TSPOAP1: variants seen among roughly 807,000 people sequenced by gnomAD.
TSPOAP1 encodes peripheral-type benzodiazepine receptor-associated protein 1.
Under a neutral mutation model 197.0 loss-of-function variants are expected in TSPOAP1, and 87 were observed. That is an observed-to-expected ratio of 0.44 (90% CI 0.37 to 0.53). The LOEUF (loss-of-function observed/expected upper bound fraction) is 0.53, where lower values mean the gene tolerates loss of function less well. TSPOAP1 is among the 20% of genes least tolerant of loss of function. The pLI, the probability that TSPOAP1 is intolerant of heterozygous loss-of-function variation, is 0.00. For missense variants in TSPOAP1, 2,174 were observed against 2,411.3 expected (o/e 0.90, Z 2.06); for synonymous variants, 913 against 998.9 (o/e 0.91, Z 1.62).
In TSPOAP1 at chr17:58,316,087, A is replaced by C; in HGVS notation, c.2034T>G (p.Leu678=). ...EGPNENPEAE[L]PLTAGEYIYI... The stretch of plus-strand genomic sequence containing the variant: ...AGATGTACTCGCCAGCTGTCAGCGG[A>C]AGCTCTGCTTCTGGATTCTCATTGG... Residue 678 remains leucine (L), a synonymous_variant, in exon 16 of 32, where the codon CTT becomes CTG. Transcript: ENST00000343736. The C allele has an allele frequency of 6.2e-7, 1 of 1,614,138 alleles. No individual in the cohort carries two copies. The highest frequency in any genetic ancestry group is 8.5e-7 in the Non-Finnish European group (1 of 1,180,030).
In TSPOAP1 at chr17:58,302,455, G is replaced by A. The variant is rs1970745624; in HGVS notation, c.*33-8C>T. ...TGTGGTGCAGCCCCAGTCCTGAAAT[G>A]TGAGACAGAAGGAGCAAGGTCAGGG... On this transcript the variant is annotated splice_region_variant and splice_polypyrimidine_tract_variant and intron_variant, in intron 31 of 31. Transcript: ENST00000343736. 4.1e-6 allele frequency: 5 copies of A among 1,221,100 alleles called. No homozygotes were observed. Among genetic ancestry groups the A allele is most frequent in the Non-Finnish European group, 4.2e-6 (4 of 959,396 alleles). The allele number at this position is 1,221,100 out of a possible 1,614,324, so 75.6% of individuals were successfully genotyped here.
In TSPOAP1 at chr17:58,309,233, TCTC is replaced by T. The variant is rs1304622182; in HGVS notation, c.4036_4038del (p.Glu1346del). The T allele has an allele frequency of 3.5e-5, 55 of 1,593,918 alleles. No individual in the cohort carries two copies. Among genetic ancestry groups the T allele is most frequent in the Non-Finnish European group, 4.1e-5 (48 of 1,162,702 alleles). On this transcript the variant is annotated inframe_deletion, in exon 22 of 32. Transcript: ENST00000343736. This position sits in a 1 kb window ranked among gnomAD's most constrained non-coding sequence, Gnocchi z 5.0. The stretch of plus-strand genomic sequence containing the variant: ...CGGGAAGAACAGCCTGCCCCTGACT[TCTC>T]CTCCTCCTCGTCCTCCTCTTCCTCT...
intron 26 of TSPOAP1, 139 bp downstream of exon 26, chr17:58,306,203 C>A: frequency 2.2e-6 from 2 of 907,182 alleles, no homozygotes; most frequent in Non-Finnish European, 1.8e-6. Context: ...CCCAGAGGTG[C>A]CTCCCCAGAC....
intron 18 of TSPOAP1, 117 bp downstream of exon 18, chr17:58,311,454 A>G (rs1971075435): frequency 1.4e-6 from 2 of 1,427,538 alleles, no homozygotes; most frequent in African/African-American, 1.4e-5. Context: ...CATCTGCCTC[A>G]TGGTACCCAA....
rs747526202 is a variant in TSPOAP1 at position 58,311,928 on chromosome 17, G to A, written c.2893C>T (p.Arg965Trp). ...WEPGWERLEQRAATLQFTTLP... is the reference protein window; with the variant it reads ...WEPGWERLEQWAATLQFTTLP... ...GTGGTGAACTGCAGGGTGGCAGCCCGCTGCTCCAGCCTCTCCCAGCCTGGT... is the reference window on the plus strand; with the variant it reads ...GTGGTGAACTGCAGGGTGGCAGCCCACTGCTCCAGCCTCTCCCAGCCTGGT... Residue 965 changes from arginine to tryptophan, a missense_variant, in exon 17 of 32, where the codon CGG becomes TGG. Arg to Trp is a moderately radical substitution (Grantham distance 101, BLOSUM62 -3). Transcript: ENST00000343736. 2 of 1,571,266 alleles carry A rather than the reference G, an allele frequency of 1.3e-6. No homozygotes were observed. The highest frequency in any genetic ancestry group is 1.7e-6 in the Non-Finnish European group (2 of 1,158,290).
intron 12 of TSPOAP1, among the ~76,000 whole-genome samples, chr17:58,319,589 C>A (rs925482108): frequency 2.6e-5 from 4 of 152,236 alleles, no homozygotes; most frequent in African/African-American, 9.6e-5. Context: ...CTGCCTCTGG[C>A]TGCTTTCTAG....
rs780218902 is a variant in TSPOAP1, at chr17:58,316,390, G to C, written c.1988+35C>G. 3 of 1,566,278 alleles carry C rather than the reference G, an allele frequency of 1.9e-6. No homozygotes were observed. The Admixed American group carries it at 5.3e-5, about 28-fold the overall frequency. On this transcript the variant is annotated intron_variant, in intron 15 of 31. Coordinates refer to ENST00000343736, the MANE Select transcript of TSPOAP1 (RefSeq NM_004758.4). ...CCCCTCCTATACCCCAAATGCTGGG[G>C]CTGGGCTAGGGGGCAGTGAGGGTGA...
chr17:58,312,482 G>C lies in TSPOAP1; in HGVS notation c.2339C>G (p.Pro780Arg). The C allele has an allele frequency of 6.2e-7, 1 of 1,608,066 alleles. No homozygotes were observed. Among genetic ancestry groups the C allele is most frequent in the Non-Finnish European group, 8.5e-7 (1 of 1,177,254 alleles). ...EDAGDELSLS[P>R]SPEGLGEPPA... ...AGGCTCGCCCAGGCCCTCCGGTGAT[G>C]GGCTCAGACTGAGCTCGTCCCCTGC... The change falls in exon 17 of 32, where the codon CCA becomes CGA. Residue 780 changes from proline to arginine, a missense_variant. Coordinates refer to ENST00000343736, the MANE Select transcript of TSPOAP1 (RefSeq NM_004758.4).
At chr17:58,323,664 T>C (rs1971469959) in intron 5 of TSPOAP1, 119 bp from the exon 6 acceptor site, 10 of 1,059,150 alleles carry the variant, frequency 9.4e-6, no homozygotes. Context: ...AAGAGATCCC[T>C]GCCTAGCAAG....
Position 58,326,547 on chromosome 17 carries a change from T to G in TSPOAP1, c.442-126A>C. The G allele has an allele frequency of 6.5e-7, 1 of 1,540,518 alleles. No individual in the cohort carries two copies. The highest frequency in any genetic ancestry group is 8.8e-7 in the Non-Finnish European group (1 of 1,133,236). ...GTCCTTGGCAACTCTAGGCAGGGGT[T>G]CACCCTCTCTGGGTCTCAGGATTTT... On this transcript the variant is annotated intron_variant, in intron 2 of 31. Coordinates refer to ENST00000343736, the MANE Select transcript of TSPOAP1 (RefSeq NM_004758.4). The surrounding 1 kb of genome is among the most constrained non-coding windows in gnomAD (Gnocchi z 4.7).
At position 58,312,564 on chromosome 17, in the gene TSPOAP1, T is replaced by C. The variant is rs199508368; in HGVS notation, c.2257A>G (p.Ser753Gly). Residue 753 changes from serine to glycine, a missense_variant, in exon 17 of 32, where the codon AGT becomes GGT. By Grantham distance (56) the Ser-to-Gly change is moderately conservative. Coordinates refer to ENST00000343736, the MANE Select transcript of TSPOAP1 (RefSeq NM_004758.4). ...SFLSVGGGGS[S>G]SGGQSSVGRS... ...CCCACACTGCTTTGGCCCCCGCTAC[T>C]GCTGCCACCCCCACCTACACTCAGG... 16 of 1,611,034 alleles carry C rather than the reference T, an allele frequency of 9.9e-6. No homozygotes were observed. In the East Asian group the frequency reaches 2.9e-4, roughly 29 times the overall value.
At chr17:58,305,666 C>T (rs771712638) in intron 27 of TSPOAP1, 23 bp from the exon 28 acceptor site, 36 of 1,379,218 alleles carry the variant, frequency 2.6e-5, no homozygotes, top group Non-Finnish European at 3.4e-5. Flanking sequence ...TAGGAGAAGA[C>T]TCTGGACTCT....
rs752905469 is a variant in TSPOAP1 at position 58,320,514 on chromosome 17, A to G, written c.1473+17T>C. The G allele has an allele frequency of 1.9e-5, 28 of 1,512,430 alleles. No individual in the cohort carries two copies. The East Asian group carries it at 5.1e-4, about 27-fold the overall frequency. The allele number at this position is 1,512,430 out of a possible 1,614,324, so 93.7% of individuals were successfully genotyped here. A position where few individuals can be genotyped will look rare whatever the true frequency, so the allele number is the denominator to read the frequency against. ...TCCCAAGATGGTGGAACTGGGGGCC[A>G]CTTCCAGGCGCCCTACCTCCAGCAG... On this transcript the variant is annotated intron_variant, in intron 11 of 31. Coordinates refer to ENST00000343736, the MANE Select transcript of TSPOAP1 (RefSeq NM_004758.4).
chr17:58,310,893 G>A lies in TSPOAP1; in HGVS notation c.3402C>T (p.Ser1134=). ...TQEPPGAPPA[S]PSREMAKGSH... ...ACCCTTTTGCCATCTCTCTGGAAGG[G>A]CTTGCAGGGGGTGCTCCTGGAGGCT... Residue 1134 remains serine, a synonymous_variant, in exon 19 of 32, where the codon AGC becomes AGT. Transcript: ENST00000343736. The A allele has an allele frequency of 6.5e-7, 1 of 1,544,410 alleles. No individual in the cohort carries two copies. Among genetic ancestry groups the A allele is most frequent in the African/African-American group, 1.4e-5 (1 of 72,384 alleles).
intron 22 of TSPOAP1, 127 bp from the exon 23 acceptor site, chr17:58,308,068 A>G (rs966537667): frequency 2.0e-6 from 2 of 1,009,226 alleles, no homozygotes; most frequent in Admixed American, 2.6e-5. Flanking sequence ...CCTCTCCCGG[A>G]GCCTCGGCCC....
chr17:58,312,871 A>C, intron 16 of TSPOAP1, 149 bp from the exon 17 acceptor site: 1 of 667,356 alleles, frequency 1.5e-6, no homozygotes, highest in East Asian at 2.8e-5. Flanking sequence ...ATTCTTTTAA[A>C]AGACAAGAGC....
In TSPOAP1 at chr17:58,324,623, C is replaced by A. The variant is rs1288669844; in HGVS notation, c.942+188G>T. On this transcript the variant is annotated intron_variant, in intron 5 of 31. Transcript: ENST00000343736. The surrounding 1 kb of genome is among the most constrained non-coding windows in gnomAD (Gnocchi z 5.8). ...CTGGAGCCCCCAGGGGAGGGCACGGCGCAGGTACGAGCACGGGAGGCTTGG... is the reference window on the plus strand; with the variant it reads ...CTGGAGCCCCCAGGGGAGGGCACGGAGCAGGTACGAGCACGGGAGGCTTGG... Among the ~76,000 whole-genome samples, 1 of 152,028 alleles carries A rather than the reference C, an allele frequency of 6.6e-6. No homozygotes were observed. The highest frequency in any genetic ancestry group is 2.4e-5 in the African/African-American group (1 of 41,420).
rs538763128 is a variant in TSPOAP1 at position 58,301,964 on chromosome 17, G to C, written c.*516C>G. The stretch of plus-strand genomic sequence containing the variant: ...AGCACTGTGGGACACTAGTAGACGA[G>C]GTGGGTGGACCAGGACGCGAGGGTC... On this transcript the variant is annotated 3_prime_UTR_variant, in exon 32 of 32. Coordinates refer to ENST00000343736, the MANE Select transcript of TSPOAP1 (RefSeq NM_004758.4). The C allele has an allele frequency of 1.4e-4, 35 of 241,572 alleles. No individual in the cohort carries two copies. The highest frequency in any genetic ancestry group is 2.7e-4 in the Non-Finnish European group (32 of 120,734). The allele number at this position is 241,572 out of a possible 1,614,324, so 15.0% of individuals were successfully genotyped here. A position where few individuals can be genotyped will look rare whatever the true frequency, so the allele number is the denominator to read the frequency against.
In TSPOAP1 at chr17:58,304,979, T is replaced by A; in HGVS notation, c.5544+82A>T. 2 of 1,072,846 alleles carry A rather than the reference T, an allele frequency of 1.9e-6. No individual in the cohort carries two copies. Among genetic ancestry groups the A allele is most frequent in the Non-Finnish European group, 2.9e-6 (2 of 687,516 alleles). 66.5% of individuals were successfully genotyped at this position (1,072,846 alleles called of 1,614,324 possible). On this transcript the variant is annotated intron_variant, in intron 30 of 31. Transcript: ENST00000343736. The surrounding 1 kb of genome is among the most constrained non-coding windows in gnomAD (Gnocchi z 4.2). The stretch of plus-strand genomic sequence containing the variant: ...TGCATGACCACCCCAGCTGCACCCC[T>A]GCCGCAACACTGCCCTGGCCCTACC...
Sources: allele counts gnomAD v4.1 joint callset (sites outside exome capture counted in the v4.1 genomes callset), GRCh38; gene constraint gnomAD v4.1.1; non-coding constraint Gnocchi (gnomAD v3.1); transcripts MANE v1.5; gene names NCBI Gene and HGNC (gene_info 2026-07-23, HGNC 2026-07-21).